The following KDM4B variants were observed in gnomAD, a reference collection of about 807,000 sequenced individuals.
The protein encoded by KDM4B is lysine-specific demethylase 4B.
KDM4B carries 32 observed loss-of-function variants against 125.2 expected under a neutral mutation model. The observed-to-expected ratio is 0.26, with a 90% confidence interval of 0.19 to 0.34. The LOEUF (loss-of-function observed/expected upper bound fraction) is 0.34. Among genes scored for constraint, KDM4B ranks in the 10% least tolerant of loss-of-function variants. The pLI, the probability that KDM4B is intolerant of heterozygous loss-of-function variation, is 1.00. For synonymous variants in KDM4B, 721 were observed against 677.9 expected (o/e 1.06, Z -0.99); for missense variants, 1,190 against 1,577.7 (o/e 0.75, Z 4.16).
intron 2 of KDM4B, among the ~76,000 whole-genome samples, chr19:5,021,341 C>T (rs946039732): frequency 2.0e-5 from 3 of 152,118 alleles, no homozygotes; most frequent in African/African-American, 7.2e-5. Context: ...GTAACCCCAG[C>T]ACTTTGGGAG....
chr19:5,027,836 C>T (rs2036328924), intron 2 of KDM4B, among the ~76,000 whole-genome samples: 1 of 152,156 alleles, frequency 6.6e-6, no homozygotes, highest in African/African-American at 2.4e-5. Flanking sequence ...CCACCGCACC[C>T]AGCCTTCTTT....
chr19:5,129,670 C>T (rs1173322761), intron 11 of KDM4B, among the ~76,000 whole-genome samples: 1 of 152,220 alleles, frequency 6.6e-6, no homozygotes, highest in African/African-American at 2.4e-5. Flanking sequence ...AGCCCCACAG[C>T]CCAAGAATCC....
At chr19:5,010,582 A>G (rs1182818270) in intron 1 of KDM4B, among the ~76,000 whole-genome samples, 1 of 152,122 alleles carries the variant, frequency 6.6e-6, no homozygotes. Context: ...TTCCTTTGAC[A>G]CTTATGAAGG....
intron 1 of KDM4B, among the ~76,000 whole-genome samples, chr19:5,009,388 C>G (rs1426056976): frequency 3.3e-5 from 5 of 152,158 alleles, no homozygotes; most frequent in African/African-American, 1.2e-4. Context: ...GGATCTGCAA[C>G]TTGAATTCAG....
chr19:5,124,112 C>A (rs1348225255), intron 11 of KDM4B, among the ~76,000 whole-genome samples: 2 of 152,056 alleles, frequency 1.3e-5, no homozygotes, highest in Non-Finnish European at 2.9e-5. Flanking sequence ...TGTGTGTGGT[C>A]TCACAGGAGA....
At chr19:5,080,834 T>C (rs2038269403) in intron 8 of KDM4B, 1 of 152,124 alleles carries the variant, frequency 6.6e-6, no homozygotes, top group Admixed American at 6.5e-5. Context: ...TAAATAACCA[T>C]AGATCCACGC....
In KDM4B at chr19:5,110,564, G is replaced by A. The variant is rs942364536; in HGVS notation, c.919-58G>A. ...AGCCCTACCTGCTCTGGGGTGGGGT[G>A]TGTGGAGCCAGCCGTCCAGGTGTGG... On this transcript the variant is annotated intron_variant, in intron 9 of 22. Coordinates refer to ENST00000159111, the MANE Select transcript of KDM4B (RefSeq NM_015015.3). 17 of 1,573,590 alleles carry A rather than the reference G, an allele frequency of 1.1e-5. No individual in the cohort carries two copies. In the Admixed American group the frequency reaches 1.7e-4, roughly 16 times the overall value.
chr19:5,134,162 G>A (rs1187141103), intron 14 of KDM4B, 101 bp downstream of exon 14: 2 of 1,167,380 alleles, frequency 1.7e-6, no homozygotes, highest in Non-Finnish European at 2.4e-6. Flanking sequence ...CTCACGCAGG[G>A]CAGGGTGTTG....
At chr19:5,134,125 G>C (rs2039607274) in intron 14 of KDM4B, 64 bp downstream of exon 14, 1 of 1,470,750 alleles carries the variant, frequency 6.8e-7, no homozygotes, top group Non-Finnish European at 9.2e-7. Flanking sequence ...GAGGGCGAGG[G>C]ACCGGGCACC....
intron 6 of KDM4B, among the ~76,000 whole-genome samples, chr19:5,064,081 G>A (rs1477208872): frequency 2.6e-5 from 4 of 152,194 alleles, no homozygotes; most frequent in African/African-American, 4.8e-5. Flanking sequence ...GTCACAGGCC[G>A]GGGCCACCAT....
chr19:5,067,148 G>A (rs908846860), intron 6 of KDM4B, among the ~76,000 whole-genome samples: 4 of 152,070 alleles, frequency 2.6e-5, no homozygotes, highest in Admixed American at 6.5e-5. Context: ...TTCAGCCCCC[G>A]CCCAGACATA....
intron 6 of KDM4B, among the ~76,000 whole-genome samples, chr19:5,056,726 A>G (rs901856243): frequency 2.1e-4 from 32 of 152,136 alleles, no homozygotes; most frequent in Non-Finnish European, 4.4e-4. Flanking sequence ...CTTAAGGTTA[A>G]CTGATTTGGG....
chr19:5,010,432 C>G (rs1395235305), intron 1 of KDM4B, among the ~76,000 whole-genome samples: 1 of 152,200 alleles, frequency 6.6e-6, no homozygotes, highest in East Asian at 1.9e-4. Flanking sequence ...CAAAGTTACT[C>G]CTTTTCCCTT....
At chr19:4,980,956 CG>C (rs2034619194) in intron 1 of KDM4B, among the ~76,000 whole-genome samples, 1 of 74,290 alleles carries the variant, frequency 1.3e-5, no homozygotes, top group African/African-American at 5.3e-5. Flanking sequence ...CTGGGGTGGG[CG>C]GGGTCAGCTT....
chr19:5,143,039 G>A (rs1187199183), intron 18 of KDM4B, among the ~76,000 whole-genome samples: 1 of 152,130 alleles, frequency 6.6e-6, no homozygotes, highest in African/African-American at 2.4e-5. Flanking sequence ...AAAAGCCGAT[G>A]TAAAGGACCT....
chr19:5,039,660 A>C (rs532861979), intron 3 of KDM4B, among the ~76,000 whole-genome samples, 176 bp from the exon 4 acceptor site: 1 of 151,638 alleles, frequency 6.6e-6, no homozygotes, highest in African/African-American at 2.4e-5. Flanking sequence ...TGTTGGCTGC[A>C]GAGTCTTCTG....
chr19:5,097,241 G>T (rs977123405), intron 9 of KDM4B, among the ~76,000 whole-genome samples: 1 of 152,162 alleles, frequency 6.6e-6, no homozygotes, highest in Non-Finnish European at 1.5e-5. Flanking sequence ...GGCCATCCAG[G>T]CTTCGTGGTT....
At chr19:5,017,421 G>C (rs933755590) in intron 2 of KDM4B, among the ~76,000 whole-genome samples, 1 of 152,208 alleles carries the variant, frequency 6.6e-6, no homozygotes, top group African/African-American at 2.4e-5. Context: ...AGTGGGAGAA[G>C]TGACTAGCTG....
Position 4,997,471 on chromosome 19 carries a change from C to A in KDM4B, c.-108-18786C>A, listed in dbSNP as rs2035238929. Among the ~76,000 whole-genome samples the A allele has an allele frequency of 6.6e-6, 1 of 152,096 alleles. No homozygotes were observed. Among genetic ancestry groups the A allele is most frequent in the Non-Finnish European group, 1.5e-5 (1 of 67,994 alleles). Reference sequence around the variant, plus strand: ...CTTTGTGTTTCCAACATGTCCACCCCAGCCGGCTGGGCCTGCGTACCCAGT... The same window carrying A: ...CTTTGTGTTTCCAACATGTCCACCCAAGCCGGCTGGGCCTGCGTACCCAGT... On this transcript the variant is annotated intron_variant, in intron 1 of 22. Transcript: ENST00000159111. The surrounding 1 kb of genome is among the most constrained non-coding windows in gnomAD (Gnocchi z 4.2).
Sources: allele counts gnomAD v4.1 joint callset (sites outside exome capture counted in the v4.1 genomes callset), GRCh38; gene constraint gnomAD v4.1.1; non-coding constraint Gnocchi (gnomAD v3.1); transcripts MANE v1.5; gene names NCBI Gene and HGNC (gene_info 2026-07-23, HGNC 2026-07-21).